The following CCNY variants were observed in gnomAD, a reference collection of about 807,000 sequenced individuals.
The protein encoded by CCNY is cyclin-Y.
CCNY carries 19 observed loss-of-function variants against 42.8 expected under a neutral mutation model. That is an observed-to-expected ratio of 0.44 (90% CI 0.31 to 0.65). The LOEUF (loss-of-function observed/expected upper bound fraction) is 0.65, where lower values mean the gene tolerates loss of function less well. Among genes scored for constraint, CCNY ranks in the 30% least tolerant of loss-of-function variants. The pLI is 0.07. For synonymous variants in CCNY, 165 were observed against 162.7 expected (o/e 1.01, Z -0.11); for missense variants, 370 against 437.3 (o/e 0.85, Z 1.37).
chr10:35,570,648 T>C lies in CCNY; in HGVS notation c.*1478T>C, dbSNP rs982577806. 1 of 152,350 alleles carries C rather than the reference T, an allele frequency of 6.6e-6. No individual in the cohort carries two copies. The highest frequency in any genetic ancestry group is 6.5e-5 in the Admixed American group (1 of 15,288). 9.4% of individuals were successfully genotyped at this position (152,350 alleles called of 1,614,324 possible). Reference sequence around the variant, plus strand: ...CCTTTTCAAGTCTCTGGGAGGCCAGTGGCAGCAGCAGGTCTGTGTTTCACC... The same window carrying C: ...CCTTTTCAAGTCTCTGGGAGGCCAGCGGCAGCAGCAGGTCTGTGTTTCACC... On this transcript the variant is annotated 3_prime_UTR_variant, in exon 10 of 10. Coordinates refer to ENST00000374704, the MANE Select transcript of CCNY (RefSeq NM_145012.6).
intron 7 of CCNY, among the ~76,000 whole-genome samples, chr10:35,546,655 C>T (rs1169059448): frequency 1.3e-5 from 2 of 152,230 alleles, no homozygotes; most frequent in Admixed American, 1.3e-4. Flanking sequence ...AATGCCTTAT[C>T]TCCCAATATA....
intron 3 of CCNY, among the ~76,000 whole-genome samples, chr10:35,324,079 G>T (rs948779549): frequency 6.6e-6 from 1 of 151,884 alleles, no homozygotes; most frequent in Non-Finnish European, 1.5e-5. Flanking sequence ...AATATATTTG[G>T]TGTACAAAGG....
intron 1 of CCNY, among the ~76,000 whole-genome samples, chr10:35,462,075 C>G (rs1236726470): frequency 2.0e-5 from 3 of 152,092 alleles, no homozygotes; most frequent in Admixed American, 2.0e-4. Context: ...GATCCTAACT[C>G]TAGAAAATCA....
intron 3 of CCNY, among the ~76,000 whole-genome samples, chr10:35,511,625 A>T (rs542285698): frequency 2.0e-5 from 3 of 152,276 alleles, no homozygotes; most frequent in Non-Finnish European, 2.9e-5. Flanking sequence ...TGGTGTTGGA[A>T]ATGCTACTTC....
intron 3 of CCNY, among the ~76,000 whole-genome samples, chr10:35,297,542 G>C (rs1835485623): frequency 1.3e-5 from 2 of 152,264 alleles, no homozygotes; most frequent in African/African-American, 4.8e-5. Flanking sequence ...TAGGAAGAGA[G>C]GAAGTCAAAC....
At chr10:35,526,785 A>G (rs1242713033) in intron 5 of CCNY, among the ~76,000 whole-genome samples, 4 of 151,584 alleles carry the variant, frequency 2.6e-5, no homozygotes, top group Admixed American at 1.3e-4. Flanking sequence ...ATTTTTAGTG[A>G]TTTCCTTTTA....
intron 3 of CCNY, among the ~76,000 whole-genome samples, chr10:35,505,575 A>G (rs1331607473): frequency 1.3e-5 from 2 of 152,178 alleles, no homozygotes; most frequent in East Asian, 3.9e-4. Flanking sequence ...TCGTTCTGCC[A>G]CCTGCTAATT....
At chr10:35,526,500 A>C (rs1318484849) in intron 5 of CCNY, among the ~76,000 whole-genome samples, 2 of 152,170 alleles carry the variant, frequency 1.3e-5, no homozygotes, top group African/African-American at 4.8e-5. Flanking sequence ...GTGAAAAAAA[A>C]CTCTACCTTA....
At chr10:35,523,749 T>C (rs1339155152) in intron 4 of CCNY, among the ~76,000 whole-genome samples, 6 of 152,184 alleles carry the variant, frequency 3.9e-5, no homozygotes, top group African/African-American at 1.2e-4. Flanking sequence ...AGATCATGCT[T>C]TTATATACTT....
chr10:35,300,225 C>G (rs115944697), intron 3 of CCNY, among the ~76,000 whole-genome samples: 1,896 of 152,288 alleles, frequency 0.012, 35 homozygotes, highest in African/African-American at 0.043. Context: ...TCTGTGGTAC[C>G]CCGCCCTGGA....
intron 1 of CCNY, among the ~76,000 whole-genome samples, chr10:35,364,156 T>G (rs1836760250): frequency 6.6e-6 from 1 of 152,210 alleles, no homozygotes; most frequent in Admixed American, 6.5e-5. Context: ...TTGATGAGAA[T>G]GTGTATTTAC....
intron 3 of CCNY, among the ~76,000 whole-genome samples, chr10:35,306,721 T>C (rs1835610764): frequency 6.6e-6 from 1 of 152,080 alleles, no homozygotes; most frequent in Non-Finnish European, 1.5e-5. Flanking sequence ...TCCTTTTCTT[T>C]CTTTCCTCCT....
chr10:35,347,909 G>A (rs1201925349), intron 1 of CCNY, among the ~76,000 whole-genome samples: 1 of 152,196 alleles, frequency 6.6e-6, no homozygotes, highest in African/African-American at 2.4e-5. Flanking sequence ...CCTCGTCTGT[G>A]TATCCTGTCA....
rs941577854 is a variant in CCNY, at chr10:35,572,254, C to T, written c.*3084C>T. 1 of 152,122 alleles carries T rather than the reference C, an allele frequency of 6.6e-6. No homozygotes were observed. The highest frequency in any genetic ancestry group is 1.5e-5 in the Non-Finnish European group (1 of 68,072). The allele number at this position is 152,122 out of a possible 1,614,324, so 9.4% of individuals were successfully genotyped here. ...TCCTGCTGCTTTTGGTAACTTCTCA[C>T]CTGGGGCCATATTTTACAGATTTGA... On this transcript the variant is annotated 3_prime_UTR_variant, in exon 10 of 10. Coordinates refer to ENST00000374704, the MANE Select transcript of CCNY (RefSeq NM_145012.6).
chr10:35,396,966 G>A (rs572038734), intron 1 of CCNY, among the ~76,000 whole-genome samples: 41 of 152,312 alleles, frequency 2.7e-4, no homozygotes, highest in African/African-American at 8.4e-4. Context: ...ACTGGAGAGA[G>A]ATCAATTTTT....
chr10:35,298,861 A>T (rs1835501730), intron 3 of CCNY, among the ~76,000 whole-genome samples: 1 of 152,090 alleles, frequency 6.6e-6, no homozygotes, highest in Non-Finnish European at 1.5e-5. Context: ...TTAGTTTATC[A>T]AGTTATCTAT....
intron 1 of CCNY, among the ~76,000 whole-genome samples, chr10:35,353,140 T>TCA (rs1423145517): frequency 2.0e-5 from 3 of 152,288 alleles, no homozygotes; most frequent in Non-Finnish European, 4.4e-5. Context: ...TTGCTTAGGC[T>TCA]GGTCTGGAAC....
chr10:35,369,582 A>G (rs1405157916), intron 1 of CCNY, among the ~76,000 whole-genome samples: 3 of 152,218 alleles, frequency 2.0e-5, no homozygotes, highest in Non-Finnish European at 4.4e-5. Context: ...AAACTACTCT[A>G]TTGAGGCTCT....
Position 35,530,884 on chromosome 10 carries a change from C to T in CCNY, c.579+641C>T, listed in dbSNP as rs545090778. On this transcript the variant is annotated intron_variant, in intron 7 of 9. Coordinates refer to ENST00000374704, the MANE Select transcript of CCNY (RefSeq NM_145012.6). This position sits in a 1 kb window ranked among gnomAD's most constrained non-coding sequence, Gnocchi z 4.3. Reference sequence around the variant, plus strand: ...CCCAGGAGTTTGAGACCAGTCTGGACAACATAGTGAAACCCCGACTCTACA... The same window carrying T: ...CCCAGGAGTTTGAGACCAGTCTGGATAACATAGTGAAACCCCGACTCTACA... Among the ~76,000 whole-genome samples, 6 of 152,146 alleles carry T rather than the reference C, an allele frequency of 3.9e-5. No individual in the cohort carries two copies. Among genetic ancestry groups the T allele is most frequent in the Admixed American group, 1.3e-4 (2 of 15,298 alleles).
Sources: allele counts gnomAD v4.1 joint callset (sites outside exome capture counted in the v4.1 genomes callset), GRCh38; gene constraint gnomAD v4.1.1; non-coding constraint Gnocchi (gnomAD v3.1); transcripts MANE v1.5; gene names NCBI Gene and HGNC (gene_info 2026-07-23, HGNC 2026-07-21).